Variants in ZNF487 observed in about 807,000 individuals in gnomAD.
ZNF487 encodes the protein zinc finger protein 487, also known as KRAB domain only 1.
ZNF487 carries 4 observed loss-of-function variants against 3.0 expected under a neutral mutation model. That is an observed-to-expected ratio of 1.35 (90% CI 0.66 to 3.08). ZNF487 has a LOEUF of 3.08. Ranked by LOEUF, ZNF487 falls within the 30% of genes most tolerant of loss-of-function variation. The pLI, the probability that ZNF487 is intolerant of heterozygous loss-of-function variation, is 0.01. For missense variants in ZNF487, 146 were observed against 98.7 expected (o/e 1.48, Z -2.03); for synonymous variants, 55 against 34.6 (o/e 1.59, Z -2.06).
intron 1 of ZNF487, among the ~76,000 whole-genome samples, chr10:43,470,755 G>A (rs1840879478): frequency 6.6e-6 from 1 of 152,134 alleles, no homozygotes; most frequent in Non-Finnish European, 1.5e-5. Context: ...CTGGGCTCAA[G>A]CAATTTTCCT....
intron 1 of ZNF487, among the ~76,000 whole-genome samples, chr10:43,442,677 T>C (rs1472782442): frequency 6.6e-6 from 1 of 152,130 alleles, no homozygotes; most frequent in East Asian, 1.9e-4. Flanking sequence ...ACTCCTGACC[T>C]CGTGATCCAC....
intron 1 of ZNF487, among the ~76,000 whole-genome samples, chr10:43,442,497 G>T (rs1839651484): frequency 6.6e-6 from 1 of 152,074 alleles, no homozygotes; most frequent in Non-Finnish European, 1.5e-5. Flanking sequence ...AGGCTGGAGT[G>T]CAGTGGCACG....
At chr10:43,521,948 T>A in the ZNF487 span, among the ~76,000 whole-genome samples, 1 of 152,052 alleles carries the variant, frequency 6.6e-6, no homozygotes, top group Non-Finnish European at 1.5e-5. Context: ...ACAAGACTGT[T>A]TATGAAATAA....
the ZNF487 span, among the ~76,000 whole-genome samples, chr10:43,507,252 CT>C: frequency 1.3e-5 from 2 of 152,188 alleles, no homozygotes; most frequent in Non-Finnish European, 2.9e-5. Flanking sequence ...TGAACCATCA[CT>C]GGCTACCTGG....
rs1250182700 is a variant in ZNF487, at chr10:43,440,962, G to C, written c.-94+3700G>C. ...GTTCACTGTAGCCTCGATCTTCTTGGCTCCAGAAATCCTCCCACCTTAGCC... is the reference window on the plus strand; with the variant it reads ...GTTCACTGTAGCCTCGATCTTCTTGCCTCCAGAAATCCTCCCACCTTAGCC... On this transcript the variant is annotated intron_variant, in intron 1 of 3. Coordinates refer to ENST00000437590, the MANE Select transcript of ZNF487 (RefSeq NM_001355444.3). 3.4e-5 allele frequency among the ~76,000 whole-genome samples: 5 copies of C among 147,216 alleles called. No individual in the cohort carries two copies. In the Admixed American group the frequency reaches 3.5e-4, roughly 10 times the overall value.
At chr10:43,446,351 C>T (rs999833906) in intron 1 of ZNF487, among the ~76,000 whole-genome samples, 2 of 151,538 alleles carry the variant, frequency 1.3e-5, no homozygotes, top group Non-Finnish European at 1.5e-5. Flanking sequence ...ACTCTCCTCA[C>T]TTCCCAGACG....
the ZNF487 span, among the ~76,000 whole-genome samples, chr10:43,493,721 T>A: frequency 0.013 from 742 of 57,782 alleles, 11 homozygotes; most frequent in African/African-American, 0.032. Context: ...TATATATATA[T>A]ATATATATAT....
chr10:43,514,081 C>A, the ZNF487 span, among the ~76,000 whole-genome samples: 5 of 152,170 alleles, frequency 3.3e-5, no homozygotes, highest in East Asian at 9.6e-4. Flanking sequence ...GATCTGTAAA[C>A]TGGCTCAAGT....
At chr10:43,465,051 C>CT (rs1840623895) in intron 1 of ZNF487, among the ~76,000 whole-genome samples, 1 of 16,506 alleles carries the variant, frequency 6.1e-5, no homozygotes, top group African/African-American at 1.1e-4. Context: ...GGGGGGCTGA[C>CT]CCCCCCCACC....
At chr10:43,522,355 A>AAAAATAC in the ZNF487 span, among the ~76,000 whole-genome samples, 5 of 152,180 alleles carry the variant, frequency 3.3e-5, no homozygotes, top group African/African-American at 1.2e-4. Context: ...CATCTCTACT[A>AAAAATAC]AAAATACAAA....
At chr10:43,502,203 TA>T in the ZNF487 span, among the ~76,000 whole-genome samples, 1 of 152,172 alleles carries the variant, frequency 6.6e-6, no homozygotes, top group African/African-American at 2.4e-5. Context: ...TATGCATCCA[TA>T]AAAAAGGATG....
intron 3 of ZNF487, among the ~76,000 whole-genome samples, chr10:43,481,181 A>G (rs1329031835): frequency 1.3e-5 from 2 of 152,030 alleles, no homozygotes; most frequent in Admixed American, 1.3e-4. Context: ...AATACAAAAA[A>G]TTAGCCAGGC....
At chr10:43,490,283 T>G in the ZNF487 span, among the ~76,000 whole-genome samples, 23 of 152,160 alleles carry the variant, frequency 1.5e-4, no homozygotes, top group South Asian at 4.0e-3. Flanking sequence ...CCTGCTGAGC[T>G]GGAGGTTGCA....
intron 3 of ZNF487, among the ~76,000 whole-genome samples, chr10:43,479,984 C>CTTCTTTCTTTCTTTCTTTCT (rs71533064): frequency 4.8e-4 from 28 of 57,898 alleles, no homozygotes; most frequent in Admixed American, 1.1e-3. Context: ...TCTTTCTTTC[C>CTTCTTTCTTTCTTTCTTTCT]TTCTTTCTTT....
chr10:43,444,412 G>A (rs546548434), intron 1 of ZNF487, among the ~76,000 whole-genome samples: 10 of 152,190 alleles, frequency 6.6e-5, no homozygotes, highest in African/African-American at 2.4e-4. Flanking sequence ...TAATTTCAGG[G>A]TATTGAGCTT....
downstream of ZNF487, among the ~76,000 whole-genome samples, chr10:43,488,101 C>CA (rs536153896): frequency 5.5e-3 from 720 of 131,626 alleles, 3 homozygotes; most frequent in South Asian, 0.025. Flanking sequence ...GACCCTGTCT[C>CA]AAAAAAAAAA....
At chr10:43,518,869 G>T in the ZNF487 span, among the ~76,000 whole-genome samples, 1 of 152,088 alleles carries the variant, frequency 6.6e-6, no homozygotes, top group Non-Finnish European at 1.5e-5. Flanking sequence ...TGTCCCGTTT[G>T]CTCTAGACTC....
rs1841072736 is a variant in ZNF487, at chr10:43,475,710, T to C, written c.-93-11T>C. On this transcript the variant is annotated splice_polypyrimidine_tract_variant and intron_variant, in intron 1 of 3. Coordinates refer to ENST00000437590, the MANE Select transcript of ZNF487 (RefSeq NM_001355444.3). ...GATCACTGTAGAATGAAAACAAATG[T>C]ACTGTTCTAGGGATCAGTGTCCTTC... is the stretch of plus-strand genomic sequence containing the variant. The C allele has an allele frequency of 2.6e-6, 2 of 779,840 alleles. No individual in the cohort carries two copies. Among genetic ancestry groups the C allele is most frequent in the Middle Eastern group, 2.3e-4 (1 of 4,440 alleles). 48.3% of individuals were successfully genotyped at this position (779,840 alleles called of 1,614,324 possible). A position where few individuals can be genotyped will look rare whatever the true frequency, so the allele number is the denominator to read the frequency against.
At chr10:43,438,182 G>T (rs1237288036) in intron 1 of ZNF487, among the ~76,000 whole-genome samples, 1 of 151,850 alleles carries the variant, frequency 6.6e-6, no homozygotes, top group Non-Finnish European at 1.5e-5. Flanking sequence ...TTTGTCTTAG[G>T]TTCCATATAT....
Sources: allele counts gnomAD v4.1 joint callset (sites outside exome capture counted in the v4.1 genomes callset), GRCh38; gene constraint gnomAD v4.1.1; transcripts MANE v1.5; gene names NCBI Gene and HGNC (gene_info 2026-07-23, HGNC 2026-07-21).